CAPS2: variants seen among roughly 807,000 people sequenced by gnomAD.
CAPS2 encodes the protein calcyphosine 2.
Under a neutral mutation model 86.5 loss-of-function variants are expected in CAPS2, and 98 were observed. That is an observed-to-expected ratio of 1.13 (90% CI 0.96 to 1.34). CAPS2 has a LOEUF of 1.34. Among genes scored for constraint, CAPS2 ranks in the 40% most tolerant of loss-of-function variants. CAPS2 has a pLI of 0.00. For missense variants in CAPS2, 729 were observed against 686.8 expected (o/e 1.06, Z -0.69); for synonymous variants, 210 against 225.1 (o/e 0.93, Z 0.60).
At chr12:75,313,234 C>G (rs1019655100) in intron 6 of CAPS2, among the ~76,000 whole-genome samples, 1 of 152,180 alleles carries the variant, frequency 6.6e-6, no homozygotes, top group Non-Finnish European at 1.5e-5. Context: ...TCCTTCCACT[C>G]TATTCCTCCC....
chr12:75,359,357 C>CTTTTTTT lies in CAPS2; in HGVS notation c.-395+31474_-395+31480dup, dbSNP rs61616225. ...GAGTTAGAAGACTCAGCATTGTTGT[C>CTTTTTTT]TTTTTTTTTTTTTTTTTTTTTTTTT... On this transcript the variant is annotated intron_variant, in intron 1 of 5. Coordinates refer to the CAPS2 transcript ENST00000551829. 1.7e-3 allele frequency among the ~76,000 whole-genome samples: 50 copies of CTTTTTTT among 28,604 alleles called. 3 individuals are homozygous for CTTTTTTT. The highest frequency in any genetic ancestry group is 2.1e-3 in the Non-Finnish European group (32 of 15,192). The allele number at this position is 28,604 out of a possible 152,430, so 18.8% of individuals were successfully genotyped here. A position where few individuals can be genotyped will look rare whatever the true frequency, so the allele number is the denominator to read the frequency against.
intron 5 of CAPS2, among the ~76,000 whole-genome samples, chr12:75,320,200 ATTTG>A (rs916531617): frequency 6.6e-6 from 1 of 152,126 alleles, no homozygotes; most frequent in Non-Finnish European, 1.5e-5. Context: ...TGCAAATAAA[ATTTG>A]TTTTTCTCTT....
At chr12:75,312,170 T>C (rs1054068192) in intron 7 of CAPS2, among the ~76,000 whole-genome samples, 12 of 152,202 alleles carry the variant, frequency 7.9e-5, no homozygotes, top group African/African-American at 2.9e-4. Context: ...TTTAAAATTC[T>C]TAACAGTCTC....
exon 16 of CAPS2, chr12:75,282,332 C>T (rs1214825187): frequency 1.2e-6 from 2 of 1,602,056 alleles, no homozygotes; most frequent in East Asian, 4.5e-5. Flanking sequence ...TTGTTGAAAT[C>T]CAGTTTCATA....
At chr12:75,301,174 C>T (rs1444981432) in intron 8 of CAPS2, among the ~76,000 whole-genome samples, 2 of 152,184 alleles carry the variant, frequency 1.3e-5, no homozygotes, top group Non-Finnish European at 2.9e-5. Flanking sequence ...TTCTCCTTTG[C>T]TTCACAAATA....
intron 1 of CAPS2, among the ~76,000 whole-genome samples, chr12:75,374,862 T>C (rs1243906010): frequency 6.6e-6 from 1 of 152,152 alleles, no homozygotes; most frequent in African/African-American, 2.4e-5. Flanking sequence ...AAACCACACA[T>C]GGTACAGCAG....
intron 1 of CAPS2, among the ~76,000 whole-genome samples, chr12:75,385,034 G>C (rs1302738330): frequency 6.6e-6 from 1 of 152,134 alleles, no homozygotes; most frequent in East Asian, 1.9e-4. Flanking sequence ...TGAGACTAAA[G>C]GGCTTAGTAA....
chr12:75,376,334 C>T (rs2044646523), intron 1 of CAPS2, among the ~76,000 whole-genome samples: 1 of 152,218 alleles, frequency 6.6e-6, no homozygotes, highest in Admixed American at 6.5e-5. Flanking sequence ...ATTCCCATAC[C>T]TGTTCTCCAG....
exon 6 of CAPS2, chr12:75,316,345 G>C (rs114900986): frequency 3.2e-6 from 5 of 1,550,716 alleles, no homozygotes; most frequent in African/African-American, 1.4e-5. Flanking sequence ...GTTGTTTATC[G>C]CAAGAGTTGT....
chr12:75,353,004 A>G (rs1160836559), intron 1 of CAPS2, among the ~76,000 whole-genome samples: 5 of 152,182 alleles, frequency 3.3e-5, no homozygotes. Flanking sequence ...CAGTATTAAG[A>G]GGGAAATTTA....
intron 1 of CAPS2, among the ~76,000 whole-genome samples, chr12:75,326,054 T>C (rs184515880): frequency 6.6e-6 from 1 of 152,218 alleles, no homozygotes; most frequent in East Asian, 1.9e-4. Context: ...TAGAAAATAA[T>C]TCACCCATCA....
chr12:75,355,186 A>G (rs2043071987), intron 1 of CAPS2, among the ~76,000 whole-genome samples: 1 of 152,226 alleles, frequency 6.6e-6, no homozygotes, highest in South Asian at 2.1e-4. Flanking sequence ...ATCAGAGTAA[A>G]CAAGCAACCT....
chr12:75,366,709 A>T (rs2043988821), intron 1 of CAPS2: 1 of 571,986 alleles, frequency 1.7e-6, no homozygotes, highest in South Asian at 2.1e-5. Flanking sequence ...TTGCAGATCA[A>T]TGTGTGCTGA....
intron 1 of CAPS2, among the ~76,000 whole-genome samples, chr12:75,377,840 G>GATATATATATATATATATATATATATAT: frequency 6.8e-6 from 1 of 146,986 alleles, no homozygotes; most frequent in South Asian, 2.2e-4. Context: ...AACCATCACA[G>GATATATATATATATATATATATATATAT]ATATATATAT....
At chr12:75,380,566 AC>A (rs1241872256) in intron 1 of CAPS2, among the ~76,000 whole-genome samples, 3 of 152,220 alleles carry the variant, frequency 2.0e-5, no homozygotes, top group African/African-American at 4.8e-5. Flanking sequence ...ATATAAAAAA[AC>A]ATTTATTAAG....
chr12:75,388,550 A>C (rs1022700742), intron 1 of CAPS2, among the ~76,000 whole-genome samples: 3 of 152,184 alleles, frequency 2.0e-5, no homozygotes, highest in Non-Finnish European at 2.9e-5. Context: ...AAGACTACAT[A>C]CTGTATGACT....
chr12:75,346,394 T>C (rs2042447755), intron 1 of CAPS2, among the ~76,000 whole-genome samples: 1 of 151,888 alleles, frequency 6.6e-6, no homozygotes, highest in Admixed American at 6.6e-5. Flanking sequence ...AAAGCAAAAC[T>C]CTTTTTTTTT....
intron 16 of CAPS2, among the ~76,000 whole-genome samples, chr12:75,279,686 T>C (rs1019850157): frequency 6.6e-6 from 1 of 151,852 alleles, no homozygotes; most frequent in East Asian, 1.9e-4. Flanking sequence ...TTTAAAAACA[T>C]ACACAAGAAA....
At position 75,323,534 on chromosome 12, in the gene CAPS2, G is replaced by A. The variant is rs550246077; in HGVS notation, c.132-312C>T. Among the ~76,000 whole-genome samples the A allele has an allele frequency of 3.3e-5, 5 of 152,086 alleles. No homozygotes were observed. In the East Asian group the frequency reaches 7.7e-4, roughly 24 times the overall value. On this transcript the variant is annotated intron_variant, in intron 2 of 16. Coordinates refer to ENST00000393284, the Ensembl canonical transcript of CAPS2. ...CGAGGCAGGCAGATCACCTGAGGTC[G>A]GGAGATCGAGACCAGCCTGACCAAC...
Sources: allele counts gnomAD v4.1 joint callset (sites outside exome capture counted in the v4.1 genomes callset), GRCh38; gene constraint gnomAD v4.1.1; transcripts MANE v1.5; gene names NCBI Gene and HGNC (gene_info 2026-07-23, HGNC 2026-07-21).